The following RAD54L2 variants were observed in gnomAD, a reference collection of about 807,000 sequenced individuals.
The protein encoded by RAD54L2 is RAD54 like 2, also known as helicase ARIP4.
In RAD54L2, 27 loss-of-function variants were observed where a neutral mutation model predicts 138.4. That is an observed-to-expected ratio of 0.20 (90% confidence interval 0.14 to 0.27). The LOEUF (loss-of-function observed/expected upper bound fraction) is 0.27. RAD54L2 is among the 10% of genes least tolerant of loss of function. RAD54L2 has a pLI of 1.00. For synonymous variants in RAD54L2, 644 were observed against 723.2 expected (o/e 0.89, Z 1.76); for missense variants, 1,396 against 1,890.2 (o/e 0.74, Z 4.85).
intron 3 of RAD54L2, among the ~76,000 whole-genome samples, chr3:51,603,144 A>C (rs1480341147): frequency 3.4e-4 from 3 of 8,718 alleles, no homozygotes; most frequent in Non-Finnish European, 8.1e-4. Flanking sequence ...TACTACTACA[A>C]AAAAAAAAAA....
At chr3:51,607,865 T>C (rs1394545360) in intron 3 of RAD54L2, among the ~76,000 whole-genome samples, 5 of 108,132 alleles carry the variant, frequency 4.6e-5, no homozygotes, top group Non-Finnish European at 7.7e-5. Context: ...ACCTCCCAGA[T>C]GGGGCGGCGG....
In RAD54L2 at chr3:51,665,249, A is replaced by G. The variant is rs1701888798; in HGVS notation, c.*1829A>G. ...GGCTTTAGAGCTTTACCACTTACCC[A>G]TGGCTCCCTCCTTACTGGGCAGGTG... is the stretch of plus-strand genomic sequence containing the variant. On this transcript the variant is annotated 3_prime_UTR_variant, in exon 23 of 23. Coordinates refer to ENST00000684192, the MANE Select transcript of RAD54L2 (RefSeq NM_015106.4). The G allele has an allele frequency of 7.2e-6, 1 of 138,796 alleles. No individual in the cohort carries two copies. The highest frequency in any genetic ancestry group is 2.7e-5 in the African/African-American group (1 of 36,396). The allele number at this position is 138,796 out of a possible 1,614,324, so 8.6% of individuals were successfully genotyped here.
chr3:51,566,446 T>G (rs1190439866), intron 2 of RAD54L2, among the ~76,000 whole-genome samples: 1 of 151,038 alleles, frequency 6.6e-6, no homozygotes, highest in Non-Finnish European at 1.5e-5. Context: ...GGTTCTGAAT[T>G]TTATCACAGC....
chr3:51,553,313 T>A (rs1258938124), intron 2 of RAD54L2, among the ~76,000 whole-genome samples: 1 of 152,080 alleles, frequency 6.6e-6, no homozygotes, highest in Non-Finnish European at 1.5e-5. Context: ...CTTGACCTCG[T>A]GATCCACCCG....
chr3:51,641,312 AC>A (rs1701129043), intron 14 of RAD54L2, among the ~76,000 whole-genome samples: 1 of 112,202 alleles, frequency 8.9e-6, no homozygotes, highest in African/African-American at 3.5e-5. Context: ...ACCTAGAGTT[AC>A]CCCCTTTTTT....
At chr3:51,551,214 C>T (rs959739597) in intron 2 of RAD54L2, among the ~76,000 whole-genome samples, 2 of 151,904 alleles carry the variant, frequency 1.3e-5, no homozygotes, top group African/African-American at 4.8e-5. Flanking sequence ...CTCTTTGTAG[C>T]CTTGACCTCC....
At chr3:51,624,232 GTTTTTT>G (rs747895714) in intron 3 of RAD54L2, among the ~76,000 whole-genome samples, 6 of 130,458 alleles carry the variant, frequency 4.6e-5, no homozygotes, top group African/African-American at 1.4e-4. Context: ...GGTGTGTGTG[GTTTTTT>G]TTTTTTTTTT....
At chr3:51,660,277 G>GTT (rs980867107) in intron 22 of RAD54L2, among the ~76,000 whole-genome samples, 159 bp downstream of exon 22, 13 of 145,806 alleles carry the variant, frequency 8.9e-5, no homozygotes, top group Admixed American at 2.7e-4. Context: ...TTTTTGTGTG[G>GTT]TTTTTTTTTT....
Position 51,578,122 on chromosome 3 carries a change from T to G in RAD54L2, c.-54-12245T>G, listed in dbSNP as rs534996840. On this transcript the variant is annotated intron_variant, in intron 2 of 22. Coordinates refer to ENST00000684192, the MANE Select transcript of RAD54L2 (RefSeq NM_015106.4). Reference sequence around the variant, plus strand: ...ATTTCCCCTAGGCCCTTGTAGCTATTTTTTCCCCCACACTCCCCCCCTGCC... The same window carrying G: ...ATTTCCCCTAGGCCCTTGTAGCTATGTTTTCCCCCACACTCCCCCCCTGCC... Among the ~76,000 whole-genome samples, 17 of 151,950 alleles carry G rather than the reference T, an allele frequency of 1.1e-4. No homozygotes were observed. In the South Asian group the frequency reaches 3.5e-3, roughly 32 times the overall value.
chr3:51,609,453 T>A (rs558888240), intron 3 of RAD54L2, among the ~76,000 whole-genome samples: 1 of 152,328 alleles, frequency 6.6e-6, no homozygotes, highest in East Asian at 1.9e-4. Context: ...AAATTAGCAA[T>A]TCTTATCATC....
chr3:51,629,224 T>A (rs1700773507), intron 4 of RAD54L2, 110 bp from the exon 5 acceptor site: 2 of 1,255,746 alleles, frequency 1.6e-6, no homozygotes, highest in African/African-American at 3.0e-5. Context: ...GGCTTCTCCT[T>A]CTCCCGCCTC....
chr3:51,609,625 C>G (rs941977313), intron 3 of RAD54L2, among the ~76,000 whole-genome samples: 1 of 151,984 alleles, frequency 6.6e-6, no homozygotes, highest in East Asian at 1.9e-4. Context: ...GCTGTGACAT[C>G]TGATGCTCTG....
rs1404103532 is a variant in RAD54L2, at chr3:51,662,737, C to T, written c.3721C>T (p.Pro1241Ser). Residue 1241 changes from proline to serine, a missense_variant, in exon 23 of 23, where the codon CCC (proline) becomes TCC (serine). Physicochemically the swap from Pro to Ser is moderately conservative, Grantham distance 74. Coordinates refer to ENST00000684192, the MANE Select transcript of RAD54L2 (RefSeq NM_015106.4). This position sits in a 1 kb window ranked among gnomAD's most constrained non-coding sequence, Gnocchi z 4.6. ...TAGTTCCCTCTTGGTGACTGGCCAG[C>T]CCTGTGGTGACAGGCACCCAGTGCT... ...LNSSLLVTGQ[P>S]CGDRHPVLDL... 11 of 1,613,378 alleles carry T rather than the reference C, an allele frequency of 6.8e-6. No individual in the cohort carries two copies. Among genetic ancestry groups the T allele is most frequent in the Non-Finnish European group, 9.3e-6 (11 of 1,179,734 alleles).
intron 3 of RAD54L2, among the ~76,000 whole-genome samples, chr3:51,612,017 G>A (rs1300019529): frequency 6.6e-6 from 1 of 152,172 alleles, no homozygotes; most frequent in Non-Finnish European, 1.5e-5. Flanking sequence ...GAGATGGAAG[G>A]AATGAGGGAA....
intron 2 of RAD54L2, among the ~76,000 whole-genome samples, chr3:51,588,764 A>G (rs1051990154): frequency 1.3e-5 from 2 of 152,210 alleles, no homozygotes; most frequent in East Asian, 1.9e-4. Context: ...TGCCTGACAC[A>G]TGATAGACAT....
At chr3:51,588,237 TAG>T (rs917790587) in intron 2 of RAD54L2, among the ~76,000 whole-genome samples, 2 of 143,348 alleles carry the variant, frequency 1.4e-5, no homozygotes, top group Admixed American at 7.0e-5. Flanking sequence ...TCTCTGATTT[TAG>T]TGTGAAAATT....
rs568154387 is a variant in RAD54L2, at chr3:51,637,269, G to A, written c.1448G>A (p.Arg483His). ...ASTSQALKNI[R>H]SRRRVVLTGY... is the part of the protein sequence containing the mutation. ...ACCTCACAGGCTCTGAAGAATATCC[G>A]CTCTCGCCGCCGGGTGGTGCTGACT... The change falls in exon 11 of 23, where the codon CGC becomes CAC. Residue 483 changes from arginine (R) to histidine (H), a missense_variant. By Grantham distance (29) the Arg-to-His change is conservative. Coordinates refer to ENST00000684192, the MANE Select transcript of RAD54L2 (RefSeq NM_015106.4). The surrounding 1 kb of genome is among the most constrained non-coding windows in gnomAD (Gnocchi z 5.9). The A allele has an allele frequency of 2.5e-6, 4 of 1,607,176 alleles. No homozygotes were observed. Among genetic ancestry groups the A allele is most frequent in the South Asian group, 1.1e-5 (1 of 89,632 alleles).
At chr3:51,648,348 A>G (rs1003395041) in intron 19 of RAD54L2, among the ~76,000 whole-genome samples, 1 of 152,250 alleles carries the variant, frequency 6.6e-6, no homozygotes, top group Non-Finnish European at 1.5e-5. Flanking sequence ...CTGCCTCTGT[A>G]GATTCCACCT....
intron 3 of RAD54L2, among the ~76,000 whole-genome samples, chr3:51,616,593 T>G (rs971745974): frequency 6.6e-6 from 1 of 152,120 alleles, no homozygotes; most frequent in African/African-American, 2.4e-5. Flanking sequence ...TTTGGGAGGC[T>G]GAGGTGGATG....
Sources: gnomAD v4.1 joint callset for allele counts (sites outside exome capture counted in the v4.1 genomes callset) on GRCh38, gnomAD v4.1.1 for gene constraint, Gnocchi (gnomAD v3.1) non-coding constraint, MANE v1.5 for transcripts, NCBI Gene and HGNC (gene_info 2026-07-23, HGNC 2026-07-21) for gene names.